The following ZKSCAN2 variants were observed in gnomAD, a reference collection of about 807,000 sequenced individuals.
The protein encoded by ZKSCAN2 is zinc finger with KRAB and SCAN domains 2, also known as zinc finger protein with KRAB and SCAN domains 2.
In ZKSCAN2, 38 loss-of-function variants were observed where a neutral mutation model predicts 90.5. The ratio of observed to expected loss-of-function variants is 0.42; its 90% confidence interval spans 0.32 to 0.55. The LOEUF (loss-of-function observed/expected upper bound fraction) is 0.55, where lower values mean the gene tolerates loss of function less well. Ranked by LOEUF, ZKSCAN2 falls within the 20% of genes least tolerant of loss-of-function variation. The pLI, the probability that ZKSCAN2 is intolerant of heterozygous loss-of-function variation, is 0.11. For missense variants in ZKSCAN2, 1,167 were observed against 1,202.6 expected (o/e 0.97, Z 0.44); for synonymous variants, 429 against 421.6 (o/e 1.02, Z -0.22).
rs956378484 is a variant in ZKSCAN2 at position 25,239,024 on chromosome 16, G to C, written c.*792C>G. On this transcript the variant is annotated 3_prime_UTR_variant, in exon 7 of 7. Transcript: ENST00000328086. ...GAGGAGGGCATGGTAGTTCGGAAGAGGCCGGCAGGAGCACCCAGAGCAACT... is the reference window on the plus strand; with the variant it reads ...GAGGAGGGCATGGTAGTTCGGAAGACGCCGGCAGGAGCACCCAGAGCAACT... 8 of 152,650 alleles carry C rather than the reference G, an allele frequency of 5.2e-5. No individual in the cohort carries two copies. Among genetic ancestry groups the C allele is most frequent in the African/African-American group, 1.7e-4 (7 of 41,430 alleles). The allele number at this position is 152,650 out of a possible 1,614,324, so 9.5% of individuals were successfully genotyped here.
At chr16:25,246,486 A>C in intron 5 of ZKSCAN2, 2 of 588,278 alleles carry the variant, frequency 3.4e-6, no homozygotes, top group Non-Finnish European at 6.0e-6. Flanking sequence ...TGTGCTCTAA[A>C]GTGAAAACGA....
At position 25,252,989 on chromosome 16, in the gene ZKSCAN2, A is replaced by G. The variant is rs1963043742; in HGVS notation, c.635T>C (p.Leu212Pro). 1.9e-6 allele frequency: 3 copies of G among 1,614,124 alleles called. No homozygotes were observed. In the East Asian group the frequency reaches 6.7e-5, roughly 36 times the overall value. The change falls in exon 3 of 7, where the codon CTA becomes CCA. Residue 212 changes from leucine (L) to proline (P), a missense_variant. By Grantham distance (98) the Leu-to-Pro change is moderately conservative. Coordinates refer to ENST00000328086, the MANE Select transcript of ZKSCAN2 (RefSeq NM_001012981.5). ...CCGTGTGGTTGTCACTTCCTGATCT[A>G]GGGTATTCCATTCATCAGCAAGGGC... ...VPALADEWNT[L>P]DQEVTTTRLP...
chr16:25,244,284 T>G lies in ZKSCAN2; in HGVS notation c.1490-8A>C, dbSNP rs768711396. ...CATAGCCCCAGTGCACGCCTGCCATTTGGGGATAAAGTTCACAATGTAACA... is the reference window on the plus strand; with the variant it reads ...CATAGCCCCAGTGCACGCCTGCCATGTGGGGATAAAGTTCACAATGTAACA... On this transcript the variant is annotated splice_region_variant and splice_polypyrimidine_tract_variant and intron_variant, in intron 5 of 6. Coordinates refer to ENST00000328086, the MANE Select transcript of ZKSCAN2 (RefSeq NM_001012981.5). 4 of 1,608,098 alleles carry G rather than the reference T, an allele frequency of 2.5e-6. No homozygotes were observed. The highest frequency in any genetic ancestry group is 3.4e-6 in the Non-Finnish European group (4 of 1,176,290).
rs538720527 is a variant in ZKSCAN2 at position 25,255,356 on chromosome 16, G to C, written c.436C>G (p.Leu146Val). 3.5e-5 allele frequency: 56 copies of C among 1,613,152 alleles called. No individual in the cohort carries two copies. The highest frequency in any genetic ancestry group is 1.7e-4 in the Middle Eastern group (1 of 5,752). The change falls in exon 2 of 7, where the codon CTT (leucine) becomes GTT (valine). Residue 146 changes from leucine (L) to valine (V), a missense_variant. Physicochemically the swap from Leu to Val is conservative, Grantham distance 32 (BLOSUM62 1). Coordinates refer to ENST00000328086, the MANE Select transcript of ZKSCAN2 (RefSeq NM_001012981.5). ...TCTGCCACCTCCCACGCTGCTCCAA[G>C]TGGGGAGTGCTTCTCCCGGTGCACG... is the stretch of plus-strand genomic sequence containing the variant. ...SPVHREKHSP[L>V]GAAWEVADFQ... is the part of the protein sequence containing the mutation.
At chr16:25,252,770 C>T (rs551675575) in intron 3 of ZKSCAN2, among the ~76,000 whole-genome samples, 176 bp downstream of exon 3, 4 of 152,174 alleles carry the variant, frequency 2.6e-5, no homozygotes, top group Non-Finnish European at 5.9e-5. Context: ...TAAAACTTAG[C>T]CAGGTGTGGT....
At position 25,236,770 on chromosome 16, in the gene ZKSCAN2, G is replaced by A. The variant is rs1821205911; in HGVS notation, c.*3046C>T. The A allele has an allele frequency of 6.6e-6, 1 of 152,200 alleles. No homozygotes were observed. Among genetic ancestry groups the A allele is most frequent in the Non-Finnish European group, 1.5e-5 (1 of 68,030 alleles). 9.4% of individuals were successfully genotyped at this position (152,200 alleles called of 1,614,324 possible). On this transcript the variant is annotated 3_prime_UTR_variant, in exon 7 of 7. Transcript: ENST00000328086. ...CATAATAACATCACTGGTAAGAACT[G>A]GAGGTATTTGTGGCAGTAACAAAGC...
Position 25,247,359 on chromosome 16 carries a change from G to C in ZKSCAN2, c.837C>G (p.Thr279=), listed in dbSNP as rs1252229379. ...ATGGCTCCTTTCTCTGTTCCAACCGGGTTATCTTGTTAGATGTAGACACTG... is the reference window on the plus strand; with the variant it reads ...ATGGCTCCTTTCTCTGTTCCAACCGCGTTATCTTGTTAGATGTAGACACTG... ...GSAVSTSNKI[T]RLEQRKEPWT... The change falls in exon 5 of 7, where the codon ACC becomes ACG. Residue 279 remains threonine (T), a synonymous_variant. Transcript: ENST00000328086. 6.2e-7 allele frequency: 1 copy of C among 1,610,890 alleles called. No individual in the cohort carries two copies.
Position 25,247,173 on chromosome 16 carries a change from C to T in ZKSCAN2, c.1023G>A (p.Val341=), listed in dbSNP as rs1211914033. The change falls in exon 5 of 7, where the codon GTG becomes GTA. Residue 341 remains valine (V), a synonymous_variant. Transcript: ENST00000328086. ...WGLEDEKIAG[V]HWSYEETKTF... ...TCTTTGTTTCCTCATAGCTCCAATG[C>T]ACACCTGCTATCTTTTCATCTTCTA... 2 of 1,614,186 alleles carry T rather than the reference C, an allele frequency of 1.2e-6. No individual in the cohort carries two copies. The highest frequency in any genetic ancestry group is 1.1e-5 in the South Asian group (1 of 91,086).
chr16:25,245,015 G>A (rs1962912269), intron 5 of ZKSCAN2, among the ~76,000 whole-genome samples: 1 of 152,176 alleles, frequency 6.6e-6, no homozygotes, highest in African/African-American at 2.4e-5. Context: ...CCATATTTGA[G>A]ACCACCCCAA....
intron 2 of ZKSCAN2, among the ~76,000 whole-genome samples, chr16:25,253,291 ACAT>A (rs1567354328): frequency 1.3e-5 from 2 of 152,254 alleles, no homozygotes; most frequent in Non-Finnish European, 1.5e-5. Flanking sequence ...TGGAGAGCAC[ACAT>A]CTGATTGAAA....
At chr16:25,248,177 A>T (rs1962965179) in intron 4 of ZKSCAN2, among the ~76,000 whole-genome samples, 3 of 151,756 alleles carry the variant, frequency 2.0e-5, no homozygotes, top group Admixed American at 2.0e-4. Context: ...AAGCTCCTTG[A>T]CACTGGTCTG....
Position 25,252,996 on chromosome 16 carries a change from T to C in ZKSCAN2, c.628A>G (p.Asn210Asp), listed in dbSNP as rs769487211. 1.2e-6 allele frequency: 2 copies of C among 1,614,066 alleles called. No individual in the cohort carries two copies. Residue 210 changes from asparagine (N) to aspartate (D), a missense_variant, in exon 3 of 7, where the codon AAT (asparagine) becomes GAT (aspartate). Physicochemically the swap from Asn to Asp is conservative, Grantham distance 23. Transcript: ENST00000328086. ...PWVPALADEW[N>D]TLDQEVTTTR... ...GTTGTCACTTCCTGATCTAGGGTAT[T>C]CCATTCATCAGCAAGGGCAGGAACC...
In ZKSCAN2 at chr16:25,251,889, G is replaced by C. The variant is rs777232245; in HGVS notation, c.805+20C>G. 3.1e-6 allele frequency: 5 copies of C among 1,612,286 alleles called. No homozygotes were observed. The Admixed American group carries it at 8.4e-5, about 27-fold the overall frequency. ...TAGAAAGCTCCAAGTCTTATATTTG[G>C]AAAGGGAAGGAATCCTTACCCAGGG... On this transcript the variant is annotated intron_variant, in intron 4 of 6. Transcript: ENST00000328086.
intron 2 of ZKSCAN2, 132 bp downstream of exon 2, chr16:25,255,074 A>C (rs1963077966): frequency 9.1e-6 from 8 of 879,238 alleles, no homozygotes; most frequent in Non-Finnish European, 1.3e-5. Context: ...CTAATTCTTG[A>C]AGTGAATGAA....
chr16:25,241,358 A>G (rs1341509196), intron 6 of ZKSCAN2, among the ~76,000 whole-genome samples: 1 of 152,238 alleles, frequency 6.6e-6, no homozygotes, highest in African/African-American at 2.4e-5. Context: ...TTCTGGACAG[A>G]GAGCATGACA....
In ZKSCAN2 at chr16:25,243,982, G is replaced by A. The variant is rs201508777; in HGVS notation, c.1784C>T (p.Pro595Leu). 7 of 1,614,176 alleles carry A rather than the reference G, an allele frequency of 4.3e-6. No individual in the cohort carries two copies. In the East Asian group the frequency reaches 1.1e-4, roughly 26 times the overall value. The change falls in exon 6 of 7, where the codon CCA becomes CTA. Residue 595 changes from proline (P) to leucine (L), a missense_variant. Coordinates refer to ENST00000328086, the MANE Select transcript of ZKSCAN2 (RefSeq NM_001012981.5). ...CCTTGAAGGTGATGGGACTTCCTCT[G>A]GGGTGCTGGGGGAAGGAGCAGATGC... ...SRASAPSPST[P>L]EEVPSPSRQE...
chr16:25,244,223 T>A lies in ZKSCAN2; in HGVS notation c.1543A>T (p.Thr515Ser), dbSNP rs61744407. ...TKTFLDILRE[T>S]RFYEALQACH... ...GCTTGAAGCGCTTCATAAAACCGAG[T>A]CTCACGGAGGATATCAAGAAAAGTC... The change falls in exon 6 of 7, where the codon ACT becomes TCT. Residue 515 changes from threonine (T) to serine (S), a missense_variant. Coordinates refer to ENST00000328086, the MANE Select transcript of ZKSCAN2 (RefSeq NM_001012981.5). 1,064 of 1,614,044 alleles carry A rather than the reference T, an allele frequency of 6.6e-4. 6 individuals are homozygous for A. Among genetic ancestry groups the A allele is most frequent in the Non-Finnish European group, 8.3e-4 (975 of 1,180,008 alleles).
At chr16:25,249,892 C>T (rs1272572424) in intron 4 of ZKSCAN2, among the ~76,000 whole-genome samples, 4 of 152,114 alleles carry the variant, frequency 2.6e-5, no homozygotes, top group African/African-American at 7.2e-5. Flanking sequence ...GCTGTACTCC[C>T]GTGCTCAATG....
At position 25,240,687 on chromosome 16, in the gene ZKSCAN2, T is replaced by C. The variant is rs1243144462; in HGVS notation, c.2033A>G (p.Lys678Arg). ...TAATGCCCTATGCTGTTCCATGTCC[T>C]TATATACTATCTGTGTTGGATCCTC... is the stretch of plus-strand genomic sequence containing the variant. Reference protein sequence around the residue: ...IKEDPTQIVYKDMEQHRALIE... With the variant: ...IKEDPTQIVYRDMEQHRALIE... Residue 678 changes from lysine to arginine, a missense_variant, in exon 7 of 7, where the codon AAG (lysine) becomes AGG (arginine). Coordinates refer to ENST00000328086, the MANE Select transcript of ZKSCAN2 (RefSeq NM_001012981.5). The C allele has an allele frequency of 1.2e-6, 2 of 1,614,130 alleles. No individual in the cohort carries two copies. Among genetic ancestry groups the C allele is most frequent in the Non-Finnish European group, 1.7e-6 (2 of 1,179,970 alleles).
Sources: gnomAD v4.1 joint callset for allele counts (sites outside exome capture counted in the v4.1 genomes callset) on GRCh38, gnomAD v4.1.1 for gene constraint, MANE v1.5 for transcripts, NCBI Gene and HGNC (gene_info 2026-07-23, HGNC 2026-07-21) for gene names.